B4GALNT3: variants seen among roughly 807,000 people sequenced by gnomAD.
B4GALNT3 encodes beta-1,4-N-acetyl-galactosaminyltransferase 3.
A neutral mutation model predicts 120.2 loss-of-function variants in B4GALNT3; 86 were observed. The ratio of observed to expected loss-of-function variants is 0.72; its 90% CI spans 0.60 to 0.86. The LOEUF (loss-of-function observed/expected upper bound fraction) is 0.86, where lower values mean the gene tolerates loss of function less well. Ranked by LOEUF, B4GALNT3 falls within the 40% of genes least tolerant of loss-of-function variation. B4GALNT3 has a pLI of 0.00. For synonymous variants in B4GALNT3, 518 were observed against 510.4 expected, an observed-to-expected ratio of 1.01 and a Z score of -0.20; for missense variants, 1,167 against 1,298.9, an observed-to-expected ratio of 0.90 and a Z score of 1.56.
At position 548,378 on chromosome 12, in the gene B4GALNT3, G is replaced by A. The variant is rs1437021749; in HGVS notation, c.853+81G>A. 7 of 1,362,894 alleles carry A rather than the reference G, an allele frequency of 5.1e-6. No homozygotes were observed. In the African/African-American group the frequency reaches 1.0e-4, roughly 20 times the overall value. 84.4% of individuals were successfully genotyped at this position (1,362,894 alleles called of 1,614,324 possible). ...CTGGGGGATTTGGCAGGGGAGGAGG[G>A]GAGGAGGGGAGGAAGGAAGCTCGAG... is the stretch of plus-strand genomic sequence containing the variant. On this transcript the variant is annotated intron_variant, in intron 9 of 19. Transcript: ENST00000266383. This position sits in a 1 kb window ranked among gnomAD's most constrained non-coding sequence, Gnocchi z 4.9.
chr12:556,844 C>T lies in B4GALNT3; in HGVS notation c.2358C>T (p.Ala786=), dbSNP rs373050364. The change falls in exon 15 of 20, where the codon GCC becomes GCT. Residue 786 remains alanine, a synonymous_variant. Coordinates refer to ENST00000266383, the MANE Select transcript of B4GALNT3 (RefSeq NM_173593.4). ...WPQGFSWSHR[A]VVHFVVPVKN... The stretch of plus-strand genomic sequence containing the variant: ...AGGGTTTCTCCTGGAGTCACCGAGC[C>T]GTGGTCCACTTCGTCGTGCCTGGTG... The T allele has an allele frequency of 1.6e-5, 26 of 1,606,062 alleles. No individual in the cohort carries two copies. Among genetic ancestry groups the T allele is most frequent in the African/African-American group, 1.1e-4 (8 of 74,766 alleles).
intron 1 of B4GALNT3, among the ~76,000 whole-genome samples, chr12:521,033 C>A (rs1243828415): frequency 6.6e-6 from 1 of 152,112 alleles, no homozygotes; most frequent in African/African-American, 2.4e-5. Context: ...ATTTTAGGTG[C>A]CTTTGCATTA....
chr12:521,503 T>C (rs1310862378), intron 1 of B4GALNT3, among the ~76,000 whole-genome samples: 1 of 152,046 alleles, frequency 6.6e-6, no homozygotes, highest in African/African-American at 2.4e-5. Context: ...ACTCTTGGCC[T>C]GAATTAGGAA....
At chr12:538,410 A>AG (rs1946882287) in intron 3 of B4GALNT3, among the ~76,000 whole-genome samples, 1 of 151,602 alleles carries the variant, frequency 6.6e-6, no homozygotes. Flanking sequence ...TAAAAAAAAA[A>AG]TAGCTAGCCG....
At position 536,269 on chromosome 12, in the gene B4GALNT3, A is replaced by G. The variant is rs1946858415; in HGVS notation, c.325A>G (p.Asn109Asp). The change falls in exon 3 of 20, where the codon AAC becomes GAC. Residue 109 changes from asparagine (N) to aspartate (D), a missense_variant. Around this residue, in one of 3 missense-constraint regions of B4GALNT3, gnomAD observed 171 missense variants for 161.3 expected, o/e 1.06. Coordinates refer to ENST00000266383, the MANE Select transcript of B4GALNT3 (RefSeq NM_173593.4). ...VSSNSSYLKW[N>D]KPVPWLSEFR... ...CAGTAACAGCAGCTACTTGAAGTGGAACAAGCCTGTCCCCTGGCTCTCAGA... is the reference window on the plus strand; with the variant it reads ...CAGTAACAGCAGCTACTTGAAGTGGGACAAGCCTGTCCCCTGGCTCTCAGA... The G allele has an allele frequency of 6.2e-7, 1 of 1,613,998 alleles. No homozygotes were observed. The highest frequency in any genetic ancestry group is 8.5e-7 in the Non-Finnish European group (1 of 1,179,960).
chr12:476,406 C>T (rs933864592), intron 1 of B4GALNT3, among the ~76,000 whole-genome samples: 3 of 152,114 alleles, frequency 2.0e-5, no homozygotes, highest in South Asian at 4.1e-4. Flanking sequence ...GCCTGGGCAA[C>T]ATAGCAAGAC....
intron 1 of B4GALNT3, among the ~76,000 whole-genome samples, chr12:512,645 TCCAC>T (rs1592033603): frequency 8.1e-6 from 1 of 124,218 alleles, no homozygotes; most frequent in African/African-American, 3.1e-5. Flanking sequence ...CCTTCCACCT[TCCAC>T]CTTCCACCTT....
intron 3 of B4GALNT3, among the ~76,000 whole-genome samples, chr12:537,640 G>A (rs1042172134): frequency 4.6e-5 from 7 of 152,154 alleles, no homozygotes; most frequent in East Asian, 1.9e-4. Flanking sequence ...TAAATAAATC[G>A]TTATGTCAAG....
intron 1 of B4GALNT3, among the ~76,000 whole-genome samples, chr12:502,151 T>C (rs550555001): frequency 9.9e-5 from 15 of 152,190 alleles, no homozygotes; most frequent in Non-Finnish European, 2.1e-4. Context: ...TGAGTTGCCT[T>C]CCCAGGAGGT....
intron 1 of B4GALNT3, among the ~76,000 whole-genome samples, chr12:525,092 T>TTATTTCTTTATTTATG (rs1555156528): frequency 6.6e-6 from 1 of 151,000 alleles, no homozygotes; most frequent in Non-Finnish European, 1.5e-5. Flanking sequence ...ACAATTTTAT[T>TTATTTCTTTATTTATG]TATTTATTTA....
At chr12:474,239 A>C (rs1161635942) in intron 1 of B4GALNT3, among the ~76,000 whole-genome samples, 2 of 152,172 alleles carry the variant, frequency 1.3e-5, no homozygotes, top group Non-Finnish European at 2.9e-5. Flanking sequence ...TGGGCAGAAA[A>C]TGATCGTGGC....
At chr12:462,099 C>T (rs1018794552) in intron 1 of B4GALNT3, among the ~76,000 whole-genome samples, 1 of 152,128 alleles carries the variant, frequency 6.6e-6, no homozygotes, top group Non-Finnish European at 1.5e-5. Context: ...TGAATTCTTC[C>T]CTCCTCTGGG....
At chr12:539,529 T>C (rs1946894196) in intron 3 of B4GALNT3, among the ~76,000 whole-genome samples, 2 of 147,812 alleles carry the variant, frequency 1.4e-5, no homozygotes. Context: ...TCTCAGCCTT[T>C]CCTTTAAAAA....
intron 3 of B4GALNT3, among the ~76,000 whole-genome samples, chr12:541,593 C>A (rs1241047390): frequency 1.3e-5 from 2 of 152,130 alleles, no homozygotes; most frequent in Non-Finnish European, 2.9e-5. Flanking sequence ...TGCCTTCTGG[C>A]CCCTCAGAGA....
In B4GALNT3 at chr12:530,242, C is replaced by T. The variant is rs550933073; in HGVS notation, c.170-4924C>T. 1.2e-4 allele frequency among the ~76,000 whole-genome samples: 18 copies of T among 152,396 alleles called. No individual in the cohort carries two copies. In the South Asian group the frequency reaches 3.7e-3, roughly 32 times the overall value. On this transcript the variant is annotated intron_variant, in intron 1 of 19. Transcript: ENST00000266383. ...TTAGGGAAGATTTTCCTGTCGTGAGCCATGGCCCTGGCGTGTGATGGGTCA... is the reference window on the plus strand; with the variant it reads ...TTAGGGAAGATTTTCCTGTCGTGAGTCATGGCCCTGGCGTGTGATGGGTCA...
intron 1 of B4GALNT3, among the ~76,000 whole-genome samples, chr12:495,813 G>T (rs143647476): frequency 5.2e-4 from 79 of 152,326 alleles, no homozygotes; most frequent in Non-Finnish European, 7.1e-4. Context: ...CGGGTCTGCA[G>T]CTCTGCTGTG....
At chr12:495,242 T>C (rs1270808950) in intron 1 of B4GALNT3, among the ~76,000 whole-genome samples, 1 of 152,216 alleles carries the variant, frequency 6.6e-6, no homozygotes, top group Non-Finnish European at 1.5e-5. Context: ...TCAGAACCCA[T>C]GCTCCTAGTC....
intron 1 of B4GALNT3, among the ~76,000 whole-genome samples, chr12:485,213 A>G (rs1392729564): frequency 2.0e-5 from 3 of 152,206 alleles, no homozygotes; most frequent in African/African-American, 7.2e-5. Context: ...TGCCAGGGAC[A>G]GGACAAGCCT....
At chr12:512,244 C>G (rs1946586912) in intron 1 of B4GALNT3, among the ~76,000 whole-genome samples, 1 of 57,278 alleles carries the variant, frequency 1.7e-5, no homozygotes, top group African/African-American at 1.0e-4. Flanking sequence ...TTCCACCTTC[C>G]ACCTTCTTCC....
Sources: gnomAD v4.1 joint callset for allele counts (sites outside exome capture counted in the v4.1 genomes callset) on GRCh38, gnomAD v4.1.1 for gene constraint, gnomAD v4.1.1 regional missense constraint, Gnocchi (gnomAD v3.1) non-coding constraint, MANE v1.5 for transcripts, NCBI Gene and HGNC (gene_info 2026-07-23, HGNC 2026-07-21) for gene names.